The following CFLAR variants were observed in gnomAD, a reference collection of about 807,000 sequenced individuals.
The protein encoded by CFLAR is CASP8 and FADD like apoptosis regulator, also known as CASP8 and FADD-like apoptosis regulator.
CFLAR carries 14 observed loss-of-function variants against 51.1 expected under a neutral mutation model. That is an observed-to-expected ratio of 0.27 (90% CI 0.18 to 0.43). The LOEUF (loss-of-function observed/expected upper bound fraction) is 0.43. Ranked by LOEUF, CFLAR falls within the 20% of genes least tolerant of loss-of-function variation. The pLI, the probability that CFLAR is intolerant of heterozygous loss-of-function variation, is 1.00. For missense variants in CFLAR, 390 were observed against 566.5 expected, an observed-to-expected ratio of 0.69 and a Z score of 3.16; for synonymous variants, 210 against 211.6, an observed-to-expected ratio of 0.99 and a Z score of 0.06.
intron 6 of CFLAR, 156 bp from the exon 7 acceptor site, chr2:201,148,847 G>A: frequency 1.7e-6 from 1 of 583,842 alleles, no homozygotes. Context: ...TCAGTGTGAG[G>A]TTGAAACCTT....
rs1187949915 is a variant in CFLAR, at chr2:201,160,894, C to T, written c.1256C>T (p.Ser419Leu). 2.5e-6 allele frequency: 4 copies of T among 1,612,808 alleles called. No homozygotes were observed. Among genetic ancestry groups the T allele is most frequent in the Admixed American group, 3.3e-5 (2 of 59,990 alleles). ...DMSLLEQSHS[S>L]PSLYLQCLSQ... The stretch of plus-strand genomic sequence containing the variant: ...TCCCTGCTGGAGCAGTCTCACAGCT[C>T]ACCATCCCTGTACCTGCAGTGCCTC... Residue 419 changes from serine to leucine, a missense_variant, in exon 9 of 10, where the codon TCA (serine) becomes TTA (leucine). Coordinates refer to ENST00000309955, the MANE Select transcript of CFLAR (RefSeq NM_003879.7).
chr2:201,137,875 C>A, intron 4 of CFLAR: 1 of 815,476 alleles, frequency 1.2e-6, no homozygotes, highest in South Asian at 1.3e-5. Context: ...TCGCCGGGGG[C>A]CTCCATGGTG....
Position 201,138,680 on chromosome 2 carries a change from A to C in CFLAR, c.524-1677A>C. On this transcript the variant is annotated intron_variant, in intron 4 of 9. Transcript: ENST00000309955. This position sits in a 1 kb window ranked among gnomAD's most constrained non-coding sequence, Gnocchi z 4.0. ...TCTTGGCCTCCAACACATCACCCAC[A>C]GTGTGCAAGGGGCTCAGCACCACGG... 1 of 940,052 alleles carries C rather than the reference A, an allele frequency of 1.1e-6. No individual in the cohort carries two copies. 58.2% of individuals were successfully genotyped at this position (940,052 alleles called of 1,614,324 possible).
In CFLAR at chr2:201,135,886, CA is replaced by C; in HGVS notation, c.388-83del. On this transcript the variant is annotated intron_variant, in intron 3 of 9. Transcript: ENST00000309955. ...AAGCAGTCTTCCTGCCTCAGCCTCC[CA>C]AAGTGCTGGGATTACAGGTATGAAC... is the stretch of plus-strand genomic sequence containing the variant. 3 of 1,532,612 alleles carry C rather than the reference CA, an allele frequency of 2.0e-6. No individual in the cohort carries two copies. In the South Asian group the frequency reaches 4.0e-5, roughly 20 times the overall value. The allele number at this position is 1,532,612 out of a possible 1,614,324, so 94.9% of individuals were successfully genotyped here.
At chr2:201,150,891 C>CTACCGT (rs1183060087) in intron 8 of CFLAR, among the ~76,000 whole-genome samples, 1 of 152,138 alleles carries the variant, frequency 6.6e-6, no homozygotes, top group East Asian at 1.9e-4. Context: ...GGCACAAAGA[C>CTACCGT]ATCATTTACG....
Position 201,165,577 on chromosome 2 carries a change from T to C in CFLAR, c.*1604T>C, listed in dbSNP as rs1481694090. 1.5e-5 allele frequency: 2 copies of C among 137,556 alleles called. No individual in the cohort carries two copies. Among genetic ancestry groups the C allele is most frequent in the Non-Finnish European group, 3.2e-5 (2 of 61,938 alleles). The allele number at this position is 137,556 out of a possible 1,614,324, so 8.5% of individuals were successfully genotyped here. A position where few individuals can be genotyped will look rare whatever the true frequency, so the allele number is the denominator to read the frequency against. On this transcript the variant is annotated 3_prime_UTR_variant, in exon 10 of 10. Coordinates refer to ENST00000309955, the MANE Select transcript of CFLAR (RefSeq NM_003879.7). ...GTGAGCCACTGCACCTGGCCTATTA[T>C]TATTTTTAAATTTTTTTTTTTTAAT...
intron 4 of CFLAR, 93 bp from the exon 5 acceptor site, chr2:201,140,264 G>C: frequency 6.7e-7 from 1 of 1,490,152 alleles, no homozygotes; most frequent in South Asian, 1.3e-5. Flanking sequence ...TATTTTGAAA[G>C]ATGGTGATTG....
chr2:201,160,131 A>G (rs1942829136), intron 8 of CFLAR, among the ~76,000 whole-genome samples: 1 of 152,136 alleles, frequency 6.6e-6, no homozygotes, highest in South Asian at 2.1e-4. Flanking sequence ...GAAGAAAAAA[A>G]GGTTTTGTCC....
intron 1 of CFLAR, among the ~76,000 whole-genome samples, chr2:201,128,225 T>C (rs1055833998): frequency 2.0e-5 from 3 of 152,220 alleles, no homozygotes; most frequent in African/African-American, 4.8e-5. Context: ...GAAAAGAACT[T>C]GGCCTCCTTT....
intron 8 of CFLAR, among the ~76,000 whole-genome samples, chr2:201,156,385 A>G (rs1224775144): frequency 1.3e-5 from 2 of 152,170 alleles, no homozygotes; most frequent in Non-Finnish European, 2.9e-5. Flanking sequence ...TGTTTTGCCC[A>G]TCTTATGTTT....
intron 4 of CFLAR, chr2:201,137,563 C>T (rs549055764): frequency 8.1e-5 from 58 of 717,658 alleles, no homozygotes; most frequent in Middle Eastern, 7.7e-4. Context: ...ATGCCACCGT[C>T]GATCTGGGCT....
intron 5 of CFLAR, chr2:201,140,719 A>C: frequency 3.8e-6 from 1 of 265,502 alleles, no homozygotes; most frequent in Non-Finnish European, 7.0e-6. Context: ...TTCCTTCTAG[A>C]CTCTTTTTTA....
rs1048906983 is a variant in CFLAR at position 201,176,284 on chromosome 2, G to T, written c.*12311G>T. ...TCTCAGGTGTTTTCTATTGCGGGGG[G>T]GGGGGGCGGGCGGGGGAGCTGCCTG... On this transcript the variant is annotated 3_prime_UTR_variant, in exon 10 of 10. Transcript: ENST00000309955. 1.9e-4 allele frequency: 24 copies of T among 126,660 alleles called. No individual in the cohort carries two copies. The highest frequency in any genetic ancestry group is 5.3e-4 in the East Asian group (2 of 3,758). 7.8% of individuals were successfully genotyped at this position (126,660 alleles called of 1,614,324 possible).
chr2:201,144,184 G>A (rs1046096964), intron 5 of CFLAR: 2 of 152,210 alleles, frequency 1.3e-5, no homozygotes, highest in African/African-American at 4.8e-5. Flanking sequence ...CAGCTTAACA[G>A]ATAGTGTATT....
chr2:201,132,310 T>C (rs527255250), intron 2 of CFLAR, among the ~76,000 whole-genome samples: 1 of 152,104 alleles, frequency 6.6e-6, no homozygotes, highest in South Asian at 2.1e-4. Context: ...TCTGAGAGCC[T>C]AACTGGGAAA....
At chr2:201,121,534 T>G (rs1575591317) in intron 1 of CFLAR, among the ~76,000 whole-genome samples, 2 of 152,358 alleles carry the variant, frequency 1.3e-5, no homozygotes, top group Non-Finnish European at 2.9e-5. Context: ...TTTTCTTCTC[T>G]ACTTTTCTCT....
At chr2:201,127,185 T>C (rs1291982192) in intron 1 of CFLAR, among the ~76,000 whole-genome samples, 1 of 151,986 alleles carries the variant, frequency 6.6e-6, no homozygotes, top group African/African-American at 2.4e-5. Context: ...GTCAGGAGGA[T>C]TGGGTATTTG....
chr2:201,117,160 C>G (rs776295814), intron 1 of CFLAR: 4 of 152,144 alleles, frequency 2.6e-5, no homozygotes, highest in African/African-American at 7.2e-5. Context: ...CGGTTATTTT[C>G]CAGAGCAGTT....
At chr2:201,140,861 A>C (rs1214231071) in intron 5 of CFLAR, 1 of 154,848 alleles carries the variant, frequency 6.5e-6, no homozygotes, top group African/African-American at 2.4e-5. Flanking sequence ...TAAAAAAAGA[A>C]AATGTAACTT....
Sources: gnomAD v4.1 joint callset for allele counts (sites outside exome capture counted in the v4.1 genomes callset) on GRCh38, gnomAD v4.1.1 for gene constraint, Gnocchi (gnomAD v3.1) non-coding constraint, MANE v1.5 for transcripts, NCBI Gene and HGNC (gene_info 2026-07-23, HGNC 2026-07-21) for gene names.